Variants in DCAF7 observed in about 807,000 individuals in gnomAD.
The protein encoded by DCAF7 is DDB1 and CUL4 associated factor 7.
Under a neutral mutation model 41.2 loss-of-function variants are expected in DCAF7, and 4 were observed. The ratio of observed to expected loss-of-function variants is 0.10; its 90% CI spans 0.05 to 0.22. The LOEUF is 0.22. Among genes scored for constraint, DCAF7 ranks in the 10% least tolerant of loss-of-function variants. The pLI is 1.00. For missense variants in DCAF7, 131 were observed against 443.2 expected (o/e 0.30, Z 6.32); for synonymous variants, 143 against 164.2 (o/e 0.87, Z 0.99).
At chr17:63,581,485 G>A (rs1344582736) in intron 4 of DCAF7, among the ~76,000 whole-genome samples, 2 of 152,184 alleles carry the variant, frequency 1.3e-5, no homozygotes, top group Non-Finnish European at 2.9e-5. Flanking sequence ...CCCAGGGGCT[G>A]GATTTACCTG....
intron 1 of DCAF7, among the ~76,000 whole-genome samples, chr17:63,563,636 C>A (rs1271480972): frequency 6.6e-6 from 1 of 151,922 alleles, no homozygotes; most frequent in Non-Finnish European, 1.5e-5. Context: ...GGTGAAATCC[C>A]ATCTCTATAA....
At chr17:63,565,452 A>G (rs1245420134) in intron 1 of DCAF7, among the ~76,000 whole-genome samples, 1 of 152,034 alleles carries the variant, frequency 6.6e-6, no homozygotes, top group Non-Finnish European at 1.5e-5. Flanking sequence ...GTGCATGCCT[A>G]TAATCCTAGC....
chr17:63,578,327 G>C (rs2033584620), intron 1 of DCAF7, 143 bp from the exon 2 acceptor site: 5 of 1,134,330 alleles, frequency 4.4e-6, no homozygotes, highest in African/African-American at 1.6e-5. Flanking sequence ...TTGCACCACT[G>C]CACTCCAGCC....
At chr17:63,578,406 G>A (rs968428167) in intron 1 of DCAF7, 64 bp from the exon 2 acceptor site, 21 of 1,597,038 alleles carry the variant, frequency 1.3e-5, no homozygotes, top group Non-Finnish European at 1.7e-5. Flanking sequence ...CACTGACCAG[G>A]GATCTAATGT....
chr17:63,584,149 T>C (rs899765216), intron 5 of DCAF7, among the ~76,000 whole-genome samples: 4 of 152,218 alleles, frequency 2.6e-5, no homozygotes, highest in Non-Finnish European at 1.5e-5. Context: ...GACAGATTCA[T>C]CTAGCTTTAG....
intron 4 of DCAF7, 74 bp from the exon 5 acceptor site, chr17:63,583,428 G>T: frequency 7.6e-7 from 1 of 1,321,542 alleles, no homozygotes; most frequent in Non-Finnish European, 1.1e-6. Context: ...TGAACTGGAC[G>T]TGGCAGATTT....
At chr17:63,574,547 T>A (rs948917933) in intron 1 of DCAF7, among the ~76,000 whole-genome samples, 4 of 152,096 alleles carry the variant, frequency 2.6e-5, no homozygotes, top group African/African-American at 9.7e-5. Flanking sequence ...TGTAGAAAAA[T>A]CCTTAGGAAT....
At chr17:63,556,295 C>A (rs564152632) in intron 1 of DCAF7, among the ~76,000 whole-genome samples, 45 of 152,198 alleles carry the variant, frequency 3.0e-4, no homozygotes, top group Non-Finnish European at 5.9e-5. Context: ...TATGGCCAGG[C>A]GCAGTGGCTC....
intron 1 of DCAF7, among the ~76,000 whole-genome samples, chr17:63,553,662 GA>G (rs2033281639): frequency 6.6e-6 from 1 of 152,172 alleles, no homozygotes; most frequent in South Asian, 2.1e-4. Flanking sequence ...TAACACTGAT[GA>G]AAAAGGCTAG....
intron 1 of DCAF7, among the ~76,000 whole-genome samples, chr17:63,556,695 C>G (rs940856296): frequency 2.6e-5 from 4 of 151,452 alleles, no homozygotes; most frequent in Admixed American, 2.6e-4. Flanking sequence ...GGTGAAACCC[C>G]GGCTCTACTA....
intron 4 of DCAF7, among the ~76,000 whole-genome samples, chr17:63,580,353 A>G (rs1209288102): frequency 6.6e-6 from 1 of 151,796 alleles, no homozygotes; most frequent in African/African-American, 2.4e-5. Context: ...GTAATTATTC[A>G]TTTTTCTCTA....
At chr17:63,578,081 G>A (rs2033581766) in intron 1 of DCAF7, among the ~76,000 whole-genome samples, 1 of 152,178 alleles carries the variant, frequency 6.6e-6, no homozygotes, top group Non-Finnish European at 1.5e-5. Flanking sequence ...TTCTGTCACT[G>A]GCCAGGCATA....
At chr17:63,562,010 C>CAAA (rs374021255) in intron 1 of DCAF7, among the ~76,000 whole-genome samples, 3 of 81,508 alleles carry the variant, frequency 3.7e-5, no homozygotes, top group Non-Finnish European at 7.5e-5. Context: ...TGTCAATGTC[C>CAAA]AAAAAAAAAA....
chr17:63,567,280 T>A (rs1246306258), intron 1 of DCAF7, among the ~76,000 whole-genome samples: 3 of 152,200 alleles, frequency 2.0e-5, no homozygotes, highest in Admixed American at 2.0e-4. Flanking sequence ...ATATTTTCTT[T>A]CATCATTAAA....
intron 1 of DCAF7, among the ~76,000 whole-genome samples, chr17:63,562,710 C>T (rs1054191475): frequency 1.5e-5 from 2 of 135,160 alleles, no homozygotes; most frequent in Non-Finnish European, 3.1e-5. Flanking sequence ...CACAACAGTC[C>T]CCAGAGTGTG....
chr17:63,584,645 C>T (rs1237031002), intron 5 of DCAF7, among the ~76,000 whole-genome samples: 1 of 152,096 alleles, frequency 6.6e-6, no homozygotes, highest in Non-Finnish European at 1.5e-5. Flanking sequence ...ACCTGTAGTC[C>T]CAGCTACTCG....
At chr17:63,585,452 G>C in intron 6 of DCAF7, 124 bp downstream of exon 6, 2 of 839,778 alleles carry the variant, frequency 2.4e-6, no homozygotes, top group East Asian at 2.6e-5. Context: ...AAAATGACTA[G>C]TTGGAGCCTC....
At chr17:63,557,879 A>G (rs952475395) in intron 1 of DCAF7, among the ~76,000 whole-genome samples, 1 of 152,066 alleles carries the variant, frequency 6.6e-6, no homozygotes, top group African/African-American at 2.4e-5. Context: ...TTTTTTAAAA[A>G]ATTTATCTTA....
chr17:63,567,397 G>A (rs2033455043), intron 1 of DCAF7, among the ~76,000 whole-genome samples: 1 of 152,184 alleles, frequency 6.6e-6, no homozygotes, highest in Non-Finnish European at 1.5e-5. Context: ...GTGTCAGTTT[G>A]GCTGAGGCTA....
Sources: allele counts gnomAD v4.1 joint callset (sites outside exome capture counted in the v4.1 genomes callset), GRCh38; gene constraint gnomAD v4.1.1; transcripts MANE v1.5; gene names NCBI Gene and HGNC (gene_info 2026-07-23, HGNC 2026-07-21).